Variants in PCDH11X observed in about 807,000 individuals in gnomAD.
PCDH11X encodes protocadherin 11 X-linked, also known as protocadherin-11 X-linked.
Under a neutral mutation model 53.3 loss-of-function variants are expected in PCDH11X, and 18 were observed. The observed-to-expected ratio is 0.34, with a 90% CI of 0.23 to 0.50. PCDH11X has a LOEUF of 0.50. Ranked by LOEUF, PCDH11X falls within the 20% of genes least tolerant of loss-of-function variation. PCDH11X has a pLI of 0.98. For missense variants in PCDH11X, 570 were observed against 1,032.4 expected, an observed-to-expected ratio of 0.55 and a Z score of 6.14; for synonymous variants, 279 against 393.3, an observed-to-expected ratio of 0.71 and a Z score of 3.44.
intron 6 of PCDH11X, among the ~76,000 whole-genome samples, chrX:92,197,745 A>G (rs1046698099): frequency 3.6e-5 from 4 of 111,867 alleles, no homozygotes; most frequent in Middle Eastern, 4.2e-3. Context: ...TGTATCAGTT[A>G]TACCCACTTG....
rs779561782 is a variant in PCDH11X, at chrX:92,007,111, C to T, written c.3033+127838C>T. Among the ~76,000 whole-genome samples the T allele has an allele frequency of 2.7e-5, 3 of 111,080 alleles. No homozygotes were observed. The South Asian group carries it at 1.2e-3, about 43-fold the overall frequency. On this transcript the variant is annotated intron_variant, in intron 6 of 10. Coordinates refer to ENST00000682573, the MANE Select transcript of PCDH11X (RefSeq NM_032968.5). ...AAGACCCACTGTTACTACTCCCTGG[C>T]TACTTCCCATGTTTGCTCAAGGCCC...
At position 92,517,588 on chromosome X, in the gene PCDH11X, T is replaced by A. The variant is rs183061784; in HGVS notation, c.3367+49266T>A. 7.5e-3 allele frequency among the ~76,000 whole-genome samples: 837 copies of A among 111,522 alleles called. 3 individuals carry two copies. The highest frequency in any genetic ancestry group is 0.026 in the African/African-American group (802 of 30,762). ...AAATAGCCAACTGTATAAAAAGGAC[T>A]GCTCATTTTAAATGGGATTTGTGTC... is the stretch of plus-strand genomic sequence containing the variant. On this transcript the variant is annotated intron_variant, in intron 10 of 10. Transcript: ENST00000682573.
rs756275888 is a variant in PCDH11X at position 92,615,296 on chromosome X, G to T, written c.3368-2968G>T. Among the ~76,000 whole-genome samples the T allele has an allele frequency of 2.0e-3, 224 of 111,072 alleles. 1 individual carries two copies. The highest frequency in any genetic ancestry group is 7.2e-3 in the African/African-American group (220 of 30,522). On this transcript the variant is annotated intron_variant, in intron 10 of 10. Coordinates refer to ENST00000682573, the MANE Select transcript of PCDH11X (RefSeq NM_032968.5). ...CATGAAAAGTGGGGCAACTCAGATT[G>T]CTGATTCAAGCAAGTGGGCGCTCCA...
At chrX:92,023,452 A>G (rs2062921848) in intron 6 of PCDH11X, among the ~76,000 whole-genome samples, 1 of 110,773 alleles carries the variant, frequency 9.0e-6, no homozygotes, top group Non-Finnish European at 1.9e-5. Flanking sequence ...CACCCTCCCA[A>G]GACTAAACCA....
rs1276954006 is a variant in PCDH11X at position 92,619,885 on chromosome X, A to G, written c.*945A>G. 1 of 107,607 alleles carries G rather than the reference A, an allele frequency of 9.3e-6. No individual in the cohort carries two copies. Among genetic ancestry groups the G allele is most frequent in the East Asian group, 2.9e-4 (1 of 3,395 alleles). The allele number at this position is 107,607 out of a possible 1,213,427, so 8.9% of individuals were successfully genotyped here. ...TCACTTAAAATATCGACGGTAAACT[A>G]CTATTTTGTAGAGAAACTCAGGAAG... is the stretch of plus-strand genomic sequence containing the variant. On this transcript the variant is annotated 3_prime_UTR_variant, in exon 11 of 11. Coordinates refer to ENST00000682573, the MANE Select transcript of PCDH11X (RefSeq NM_032968.5).
intron 10 of PCDH11X, among the ~76,000 whole-genome samples, chrX:92,498,790 A>G (rs1438821767): frequency 1.9e-5 from 2 of 108,032 alleles, no homozygotes; most frequent in African/African-American, 6.7e-5. Flanking sequence ...ACAACTCCAC[A>G]ATAATAAAAA....
At chrX:91,924,667 T>G (rs1373783326) in intron 6 of PCDH11X, among the ~76,000 whole-genome samples, 1 of 111,958 alleles carries the variant, frequency 8.9e-6, no homozygotes. Context: ...CTTGCATCTA[T>G]CTAGAATCTA....
intron 5 of PCDH11X, among the ~76,000 whole-genome samples, chrX:91,867,719 T>A (rs1939063289): frequency 9.0e-6 from 1 of 111,124 alleles, no homozygotes; most frequent in South Asian, 3.8e-4. Flanking sequence ...ACTTTTCTCT[T>A]TTTACTTCAG....
intron 4 of PCDH11X, among the ~76,000 whole-genome samples, chrX:91,816,137 C>A (rs1018632021): frequency 9.1e-6 from 1 of 110,144 alleles, no homozygotes; most frequent in Non-Finnish European, 1.9e-5. Flanking sequence ...CCACACCCCC[C>A]CAAAAAAAAT....
intron 7 of PCDH11X, among the ~76,000 whole-genome samples, chrX:92,217,967 G>A (rs772315883): frequency 3.3e-4 from 36 of 108,030 alleles, no homozygotes; most frequent in African/African-American, 1.1e-3. Context: ...GGTACATAAC[G>A]AAATGAAGGC....
intron 6 of PCDH11X, among the ~76,000 whole-genome samples, chrX:91,994,239 A>G (rs781155323): frequency 1.9e-5 from 2 of 103,720 alleles, no homozygotes; most frequent in African/African-American, 7.1e-5. Flanking sequence ...CTTAGCAAAT[A>G]CATTACGTCT....
In PCDH11X at chrX:91,797,174, G is replaced by T. The variant is rs1309610623; in HGVS notation, c.-378-12292G>T. On this transcript the variant is annotated intron_variant, in intron 1 of 10. Transcript: ENST00000682573. ...CTTCTTTCTTCTGGACAGCTTAATT[G>T]TAGGAGAAATATTCTACCTATAAAA... 5.5e-5 allele frequency among the ~76,000 whole-genome samples: 6 copies of T among 109,930 alleles called. No individual in the cohort carries two copies. In the Admixed American group the frequency reaches 5.9e-4, roughly 11 times the overall value.
At chrX:91,868,758 A>G (rs747810223) in intron 5 of PCDH11X, among the ~76,000 whole-genome samples, 1 of 111,511 alleles carries the variant, frequency 9.0e-6, no homozygotes, top group Non-Finnish European at 1.9e-5. Context: ...TTCATTTTTG[A>G]TTACTGATTT....
intron 8 of PCDH11X, among the ~76,000 whole-genome samples, chrX:92,377,884 T>TTA (rs199747611): frequency 0.15 from 15,256 of 104,327 alleles, 1,179 homozygotes; most frequent in Non-Finnish European, 0.22. Flanking sequence ...AAATATAAAA[T>TTA]TATATATATA....
intron 1 of PCDH11X, among the ~76,000 whole-genome samples, chrX:91,781,450 G>C (rs1368935287): frequency 8.9e-6 from 1 of 112,762 alleles, no homozygotes; most frequent in African/African-American, 3.2e-5. Flanking sequence ...ACATAGAGGT[G>C]CTTTGTGACT....
intron 6 of PCDH11X, among the ~76,000 whole-genome samples, chrX:91,903,072 A>G (rs1293871713): frequency 1.8e-5 from 2 of 111,427 alleles, no homozygotes; most frequent in Non-Finnish European, 3.8e-5. Context: ...TTGTCTTGCT[A>G]TATGTCACAC....
At chrX:92,177,128 C>T (rs977073004) in intron 6 of PCDH11X, among the ~76,000 whole-genome samples, 4 of 108,659 alleles carry the variant, frequency 3.7e-5, no homozygotes, top group Non-Finnish European at 7.6e-5. Context: ...TAAGCATGCA[C>T]CACCACGCCC....
rs372799155 is a variant in PCDH11X at position 92,584,330 on chromosome X, C to G, written c.3368-33934C>G. On this transcript the variant is annotated intron_variant, in intron 10 of 10. Coordinates refer to ENST00000682573, the MANE Select transcript of PCDH11X (RefSeq NM_032968.5). ...GAAAATTAACAAGCCAAATGTTCATCTTTTGAAATATTTAATAAAATTTGA... is the reference window on the plus strand; with the variant it reads ...GAAAATTAACAAGCCAAATGTTCATGTTTTGAAATATTTAATAAAATTTGA... Among the ~76,000 whole-genome samples the G allele has an allele frequency of 4.0e-4, 44 of 111,147 alleles. 2 individuals carry two copies. In the South Asian group the frequency reaches 0.016, roughly 40 times the overall value.
intron 9 of PCDH11X, among the ~76,000 whole-genome samples, chrX:92,410,863 C>T (rs1192357180): frequency 2.0e-5 from 2 of 100,779 alleles, no homozygotes; most frequent in African/African-American, 8.3e-5. Flanking sequence ...ATGTTCGATG[C>T]CATCAAACGA....
Sources: gnomAD v4.1 joint callset for allele counts (sites outside exome capture counted in the v4.1 genomes callset) on GRCh38, gnomAD v4.1.1 for gene constraint, MANE v1.5 for transcripts, NCBI Gene and HGNC (gene_info 2026-07-23, HGNC 2026-07-21) for gene names.